HTR4: variants seen among roughly 807,000 people sequenced by gnomAD.
HTR4 encodes 5-hydroxytryptamine receptor 4.
In HTR4, 16 loss-of-function variants were observed where a neutral mutation model predicts 36.8. That is an observed-to-expected ratio of 0.43 (90% CI 0.29 to 0.66). HTR4 has a LOEUF of 0.66. Ranked by LOEUF, HTR4 falls within the 30% of genes least tolerant of loss-of-function variation. HTR4 has a pLI of 0.13. For missense variants in HTR4, 438 were observed against 490.9 expected, an observed-to-expected ratio of 0.89 and a Z score of 1.02; for synonymous variants, 189 against 185.1, an observed-to-expected ratio of 1.02 and a Z score of -0.17.
chr5:148,594,824 C>T (rs887851763), intron 2 of HTR4, among the ~76,000 whole-genome samples: 4 of 152,108 alleles, frequency 2.6e-5, no homozygotes, highest in African/African-American at 9.7e-5. Context: ...GGCTATGACT[C>T]TTATTTTTTA....
intron 2 of HTR4, among the ~76,000 whole-genome samples, chr5:148,615,321 A>C (rs1752617543): frequency 6.6e-6 from 1 of 152,068 alleles, no homozygotes; most frequent in Admixed American, 6.6e-5. Flanking sequence ...CAAATGTGGC[A>C]CATATACACC....
At chr5:148,460,500 G>C (rs191616090) in intron 5 of HTR4, among the ~76,000 whole-genome samples, 1 of 150,490 alleles carries the variant, frequency 6.6e-6, no homozygotes, top group East Asian at 1.9e-4. Context: ...AAAGTGTTGA[G>C]AGGAAAAAAA....
intron 2 of HTR4, among the ~76,000 whole-genome samples, chr5:148,588,450 T>C (rs1002646679): frequency 1.3e-5 from 2 of 151,982 alleles, no homozygotes; most frequent in African/African-American, 4.8e-5. Context: ...AAAAAGCCTT[T>C]ACTGCTTTGC....
rs141717008 is a variant in HTR4 at position 148,536,722 on chromosome 5, C to T, written c.353+11946G>A. 9.9e-5 allele frequency among the ~76,000 whole-genome samples: 15 copies of T among 152,264 alleles called. 1 individual carries two copies. Among genetic ancestry groups the T allele is most frequent in the African/African-American group, 3.6e-4 (15 of 41,550 alleles). ...AATATATATGCACTCAACACAGAAG[C>T]ACCCAGATTCATAAAGCAAGTTCTT... On this transcript the variant is annotated intron_variant, in intron 4 of 6. Transcript: ENST00000377888.
intron 1 of HTR4, among the ~76,000 whole-genome samples, chr5:148,640,614 T>C (rs994618268): frequency 1.3e-5 from 2 of 152,206 alleles, no homozygotes; most frequent in African/African-American, 2.4e-5. Context: ...TCCAGCAGTG[T>C]CTTAAGATAA....
rs182881040 is a variant in HTR4 at position 148,550,967 on chromosome 5, C to G, written c.27-705G>C. Among the ~76,000 whole-genome samples the G allele has an allele frequency of 1.4e-4, 22 of 152,308 alleles. No individual in the cohort carries two copies. The East Asian group carries it at 4.2e-3, about 29-fold the overall frequency. On this transcript the variant is annotated intron_variant, in intron 2 of 6. Transcript: ENST00000377888. ...CTACCTATAAAACCTGCCACAGCCC[C>G]CAGCTCAGGGGGACAGATTTGAGCT... is the stretch of plus-strand genomic sequence containing the variant.
chr5:148,580,011 G>C (rs1293120463), intron 2 of HTR4, among the ~76,000 whole-genome samples: 1 of 151,906 alleles, frequency 6.6e-6, no homozygotes, highest in Non-Finnish European at 1.5e-5. Context: ...GTGTTTTATT[G>C]AATACCAAGG....
chr5:148,483,238 A>C lies in HTR4; in HGVS notation c.1132T>G (p.Ser378Ala). Residue 378 changes from serine to alanine, a missense_variant, in exon 7 of 7, where the codon TCT becomes GCT. Ser to Ala is a moderately conservative substitution (Grantham distance 99). Transcript: ENST00000377888. The part of the protein sequence containing the change: ...WESQCHPPAT[S>A]PLVAAQPSDT ...CTGGGCTGAGCAGCCACCAAAGGAG[A>C]AGTTGCTGGCGGGTGACACTGACTC... The C allele has an allele frequency of 1.9e-6, 3 of 1,613,958 alleles. No individual in the cohort carries two copies. The highest frequency in any genetic ancestry group is 2.5e-6 in the Non-Finnish European group (3 of 1,179,968).
At chr5:148,513,342 A>G (rs896806191) in intron 5 of HTR4, among the ~76,000 whole-genome samples, 18 of 152,170 alleles carry the variant, frequency 1.2e-4, no homozygotes, top group Non-Finnish European at 2.1e-4. Flanking sequence ...TCTGTATGGT[A>G]TGATGTACAA....
rs557354224 is a variant in HTR4 at position 148,483,028 on chromosome 5, C to T, written c.*175G>A. On this transcript the variant is annotated 3_prime_UTR_variant, in exon 7 of 7. Coordinates refer to ENST00000377888, the MANE Select transcript of HTR4 (RefSeq NM_000870.7). ...GGCCATTATGTCCCCTGACTCCCTC[C>T]AGCGCCACCTGCTGGAATCTCAGAG... 10 of 1,453,074 alleles carry T rather than the reference C, an allele frequency of 6.9e-6. No homozygotes were observed. The highest frequency in any genetic ancestry group is 2.7e-5 in the Admixed American group (1 of 36,684). The allele number at this position is 1,453,074 out of a possible 1,614,324, so 90.0% of individuals were successfully genotyped here.
chr5:148,517,215 T>C (rs761935189), intron 5 of HTR4, among the ~76,000 whole-genome samples: 1 of 152,190 alleles, frequency 6.6e-6, no homozygotes. Context: ...AATTTTCTCT[T>C]TCTTTGTTTT....
downstream of HTR4, among the ~76,000 whole-genome samples, chr5:148,478,284 A>G (rs1212081474): frequency 6.6e-6 from 1 of 152,104 alleles, no homozygotes; most frequent in Non-Finnish European, 1.5e-5. Flanking sequence ...TCCAACATGG[A>G]ACTAGGCGAT....
chr5:148,482,535 G>C lies in HTR4; in HGVS notation c.*668C>G, dbSNP rs201865311. On this transcript the variant is annotated 3_prime_UTR_variant, in exon 7 of 7. Transcript: ENST00000377888. ...CTGTGTCTTCCATGGAAAATAAATG[G>C]AGCATGTCCTGAAGAGGAGGACAGA... 11 of 985,582 alleles carry C rather than the reference G, an allele frequency of 1.1e-5. No individual in the cohort carries two copies. The highest frequency in any genetic ancestry group is 1.3e-5 in the Non-Finnish European group (11 of 830,164). The allele number at this position is 985,582 out of a possible 1,614,324, so 61.1% of individuals were successfully genotyped here.
intron 2 of HTR4, among the ~76,000 whole-genome samples, chr5:148,607,082 G>A (rs1467315154): frequency 6.6e-6 from 1 of 152,192 alleles, no homozygotes; most frequent in African/African-American, 2.4e-5. Context: ...CACTGGCTTT[G>A]GCATTGGCTT....
At chr5:148,462,501 A>G (rs1755301540) in intron 5 of HTR4, among the ~76,000 whole-genome samples, 1 of 152,088 alleles carries the variant, frequency 6.6e-6, no homozygotes, top group Non-Finnish European at 1.5e-5. Context: ...TTATATATAT[A>G]TTAAAGAAAT....
chr5:148,550,385 T>G, intron 2 of HTR4, 123 bp from the exon 3 acceptor site: 1 of 1,071,978 alleles, frequency 9.3e-7, no homozygotes, highest in Non-Finnish European at 1.4e-6. Flanking sequence ...CACATATATT[T>G]ATCATGCGTT....
At chr5:148,614,577 C>T (rs1417290025) in intron 2 of HTR4, among the ~76,000 whole-genome samples, 1 of 152,046 alleles carries the variant, frequency 6.6e-6, no homozygotes, top group Non-Finnish European at 1.5e-5. Context: ...CCATAAAAAC[C>T]CTAGAAGAAA....
At chr5:148,471,682 A>C (rs1489305690), downstream of HTR4, among the ~76,000 whole-genome samples, 6 of 152,214 alleles carry the variant, frequency 3.9e-5, no homozygotes, top group African/African-American at 1.4e-4. Context: ...ATTATAAATC[A>C]CTATTGTTGT....
chr5:148,491,526 A>C (rs564517329), intron 6 of HTR4, among the ~76,000 whole-genome samples: 7 of 152,166 alleles, frequency 4.6e-5, no homozygotes, highest in Non-Finnish European at 8.8e-5. Context: ...TGGGGCCAGG[A>C]AATTCTTTGC....
Sources: gnomAD v4.1 joint callset for allele counts (sites outside exome capture counted in the v4.1 genomes callset) on GRCh38, gnomAD v4.1.1 for gene constraint, MANE v1.5 for transcripts, NCBI Gene and HGNC (gene_info 2026-07-23, HGNC 2026-07-21) for gene names.